C9orf153: variants seen among roughly 807,000 people sequenced by gnomAD.
C9orf153 encodes the protein chromosome 9 open reading frame 153.
C9orf153 carries 10 observed loss-of-function variants against 9.0 expected under a neutral mutation model. That is an observed-to-expected ratio of 1.11 (90% CI 0.69 to 1.89). The LOEUF is 1.89. Ranked by LOEUF, C9orf153 falls within the 40% of genes most tolerant of loss-of-function variation. The pLI, the probability that C9orf153 is intolerant of heterozygous loss-of-function variation, is 0.00. For synonymous variants in C9orf153, 35 were observed against 37.3 expected (o/e 0.94, Z 0.23); for missense variants, 108 against 111.0 (o/e 0.97, Z 0.12).
rs141185695 is a variant in C9orf153 at position 86,255,114 on chromosome 9, T to C, written c.-27+4436A>G. 5.6e-3 allele frequency among the ~76,000 whole-genome samples: 852 copies of C among 152,072 alleles called. 5 individuals carry two copies. Among genetic ancestry groups the C allele is most frequent in the African/African-American group, 0.019 (789 of 41,508 alleles). ...GAAATGAGACTAATTCAAGAATATA[T>C]GGACAATATATTTAAATTTGCTCTT... On this transcript the variant is annotated intron_variant, in intron 1 of 3. Transcript: ENST00000339137.
intron 1 of C9orf153, among the ~76,000 whole-genome samples, chr9:86,252,147 G>A (rs1239997047): frequency 6.6e-6 from 1 of 152,136 alleles, no homozygotes; most frequent in Admixed American, 6.6e-5. Context: ...TGATCCTCCT[G>A]CCTTAGCTTT....
Position 86,227,904 on chromosome 9 carries a change from A to G in C9orf153, c.193T>C (p.Ser65Pro), listed in dbSNP as rs775872189. The part of the protein sequence containing the change: ...EVLARNLNVM[S>P]FTRGADVRGD... Reference sequence around the variant, plus strand: ...CTCACATCAGCGCCCCTGGTGAATGACATGACATTCAGGTTTCTAGCAAGT... The same window carrying G: ...CTCACATCAGCGCCCCTGGTGAATGGCATGACATTCAGGTTTCTAGCAAGT... The change falls in exon 3 of 4, where the codon TCA becomes CCA. Residue 65 changes from serine to proline, a missense_variant. Ser to Pro is a moderately conservative substitution (Grantham distance 74). Transcript: ENST00000339137. 6.2e-7 allele frequency: 1 copy of G among 1,613,842 alleles called. No individual in the cohort carries two copies.
intron 1 of C9orf153, among the ~76,000 whole-genome samples, chr9:86,244,447 T>C (rs927636453): frequency 6.6e-6 from 1 of 152,170 alleles, no homozygotes; most frequent in African/African-American, 2.4e-5. Flanking sequence ...TCTATTTCTA[T>C]TGGACAAGGC....
chr9:86,227,390 A>G, intron 3 of C9orf153: 1 of 1,528,804 alleles, frequency 6.5e-7, no homozygotes, highest in Non-Finnish European at 8.8e-7. Context: ...TGTTCATTTT[A>G]TTGACACTGT....
intron 1 of C9orf153, among the ~76,000 whole-genome samples, chr9:86,248,763 G>A (rs1824926199): frequency 1.3e-5 from 2 of 152,082 alleles, no homozygotes; most frequent in Admixed American, 1.3e-4. Context: ...GTGGAAGCAG[G>A]GGCATTTACC....
intron 1 of C9orf153, among the ~76,000 whole-genome samples, chr9:86,247,075 C>T (rs142688298): frequency 6.6e-5 from 10 of 152,330 alleles, no homozygotes; most frequent in Non-Finnish European, 1.3e-4. Context: ...GGGATAACAG[C>T]ACCACTGTCA....
intron 3 of C9orf153, chr9:86,227,439 A>C: frequency 6.9e-7 from 1 of 1,444,544 alleles, no homozygotes; most frequent in Non-Finnish European, 9.1e-7. Context: ...GAACCTCAGA[A>C]CTACAAAATT....
At chr9:86,239,646 A>G (rs1354965105) in intron 1 of C9orf153, among the ~76,000 whole-genome samples, 3 of 152,242 alleles carry the variant, frequency 2.0e-5, no homozygotes, top group Non-Finnish European at 2.9e-5. Flanking sequence ...GTGAGTGCCA[A>G]TGGGCACCAT....
At chr9:86,246,408 A>G (rs1824864730) in intron 1 of C9orf153, among the ~76,000 whole-genome samples, 3 of 152,146 alleles carry the variant, frequency 2.0e-5, no homozygotes. Flanking sequence ...TTCCTAAGCC[A>G]GTCTGACATG....
chr9:86,258,881 T>C (rs1825184953), intron 1 of C9orf153, among the ~76,000 whole-genome samples: 1 of 152,154 alleles, frequency 6.6e-6, no homozygotes, highest in Non-Finnish European at 1.5e-5. Context: ...ACGTTTGTTA[T>C]ACTTGATGAG....
At chr9:86,245,326 C>T (rs1468627499) in intron 1 of C9orf153, among the ~76,000 whole-genome samples, 1 of 152,184 alleles carries the variant, frequency 6.6e-6, no homozygotes, top group Non-Finnish European at 1.5e-5. Context: ...GTAGTGTTAA[C>T]TGCATGCGCA....
At position 86,227,971 on chromosome 9, in the gene C9orf153, A is replaced by G. The variant is rs780174409; in HGVS notation, c.126T>C (p.Leu42=). Residue 42 remains leucine (L), a synonymous_variant, in exon 3 of 4, where the codon CTT becomes CTC. Transcript: ENST00000339137. ...TAAGTGAAATACCATGCATTTTTAG[A>G]AGATTTGATTTCTTGCTCTCCTTAT... is the stretch of plus-strand genomic sequence containing the variant. ...NFNKESKKSN[L]LKMHGISLNE... is the part of the protein sequence containing the mutation. The G allele has an allele frequency of 6.2e-7, 1 of 1,613,594 alleles. No homozygotes were observed. Among genetic ancestry groups the G allele is most frequent in the East Asian group, 2.2e-5 (1 of 44,830 alleles).
chr9:86,255,539 C>T (rs889534568), intron 1 of C9orf153, among the ~76,000 whole-genome samples: 5 of 152,188 alleles, frequency 3.3e-5, no homozygotes, highest in Admixed American at 1.3e-4. Context: ...GAGGTTTCAT[C>T]TACATAGCAA....
rs1825186017 is a variant in C9orf153 at position 86,258,946 on chromosome 9, G to A, written c.-27+604C>T. Among the ~76,000 whole-genome samples the A allele has an allele frequency of 6.6e-5, 10 of 151,468 alleles. No individual in the cohort carries two copies. In the South Asian group the frequency reaches 1.7e-3, roughly 25 times the overall value. On this transcript the variant is annotated intron_variant, in intron 1 of 3. Transcript: ENST00000339137. ...GCCCATACTTCACAGTTTACATTAC[G>A]GTCCATTCTTGGTGTTGTGCATTCT...
chr9:86,243,506 C>T (rs1460641790), intron 1 of C9orf153, among the ~76,000 whole-genome samples: 1 of 141,580 alleles, frequency 7.1e-6, no homozygotes, highest in Non-Finnish European at 1.5e-5. Flanking sequence ...ACTCTTGATG[C>T]TCAGGCTGGA....
chr9:86,236,470 A>T (rs1467603459), intron 1 of C9orf153, among the ~76,000 whole-genome samples: 1 of 149,052 alleles, frequency 6.7e-6, no homozygotes, highest in East Asian at 2.0e-4. Flanking sequence ...AATTGCTTGA[A>T]CCTGGGAGGC....
intron 3 of C9orf153, among the ~76,000 whole-genome samples, chr9:86,223,072 T>C (rs1484622930): frequency 1.3e-5 from 2 of 152,176 alleles, no homozygotes. Context: ...CAGCAGTCCA[T>C]TCATAAGGCC....
rs756280238 is a variant in C9orf153, at chr9:86,221,569, G to A, written c.*119C>T. ...TGAGGATAAATGACCAAAGACTTGC[G>A]AACTATAGGGGGGAAAATAACGTCA... On this transcript the variant is annotated 3_prime_UTR_variant, in exon 4 of 4. Coordinates refer to ENST00000339137, the MANE Select transcript of C9orf153 (RefSeq NM_001276366.4). 40 of 1,363,706 alleles carry A rather than the reference G, an allele frequency of 2.9e-5. No homozygotes were observed. The highest frequency in any genetic ancestry group is 1.9e-4 in the Middle Eastern group (1 of 5,256). 84.5% of individuals were successfully genotyped at this position (1,363,706 alleles called of 1,614,324 possible).
rs1463544353 is a variant in C9orf153, at chr9:86,221,461, A to G, written c.*227T>C. 1 of 1,206,536 alleles carries G rather than the reference A, an allele frequency of 8.3e-7. No homozygotes were observed. Among genetic ancestry groups the G allele is most frequent in the African/African-American group, 1.6e-5 (1 of 63,182 alleles). 74.7% of individuals were successfully genotyped at this position (1,206,536 alleles called of 1,614,324 possible). A position where few individuals can be genotyped will look rare whatever the true frequency, so the allele number is the denominator to read the frequency against. Reference sequence around the variant, plus strand: ...TTGTGTATTAAATCAATGCTCTCAAAAGCAAAAATCTACGTCCAAAATATT... The same window carrying G: ...TTGTGTATTAAATCAATGCTCTCAAGAGCAAAAATCTACGTCCAAAATATT... On this transcript the variant is annotated 3_prime_UTR_variant, in exon 4 of 4. Coordinates refer to ENST00000339137, the MANE Select transcript of C9orf153 (RefSeq NM_001276366.4).
Sources: gnomAD v4.1 joint callset for allele counts (sites outside exome capture counted in the v4.1 genomes callset) on GRCh38, gnomAD v4.1.1 for gene constraint, MANE v1.5 for transcripts, NCBI Gene and HGNC (gene_info 2026-07-23, HGNC 2026-07-21) for gene names.